Variants in CARHSP1 observed in about 807,000 individuals in gnomAD.
CARHSP1 encodes calcium regulated heat stable protein 1, also known as calcium-regulated heat-stable protein 1.
A neutral mutation model predicts 12.5 loss-of-function variants in CARHSP1; 14 were observed. The observed-to-expected ratio is 1.12, with a 90% confidence interval of 0.74 to 1.75. The LOEUF (loss-of-function observed/expected upper bound fraction) is 1.75, where lower values mean the gene tolerates loss of function less well. Ranked by LOEUF, CARHSP1 falls within the 40% of genes most tolerant of loss-of-function variation. The pLI is 0.00. For synonymous variants in CARHSP1, 161 were observed against 82.0 expected (o/e 1.96, Z -5.20); for missense variants, 343 against 201.6 (o/e 1.70, Z -4.25).
chr16:8,867,020 C>A (rs2061466374), intron 1 of CARHSP1, among the ~76,000 whole-genome samples: 1 of 152,138 alleles, frequency 6.6e-6, no homozygotes, highest in Non-Finnish European at 1.5e-5. Flanking sequence ...CCTGTGCCCC[C>A]ATTAGCACCC....
rs8097 is a variant in CARHSP1, at chr16:8,859,224, C to A, written c.105G>T (p.Arg35=). The part of the protein sequence containing the change: ...RSRERSPSPL[R]GNVVPSPLPT... Reference sequence around the variant, plus strand: ...GCAGTGGGCTTGGGACCACGTTGCCCCGCAGAGGGGATGGTGAGCGCTCAC... The same window carrying A: ...GCAGTGGGCTTGGGACCACGTTGCCACGCAGAGGGGATGGTGAGCGCTCAC... Residue 35 remains arginine (R), a synonymous_variant, in exon 2 of 4, where the codon CGG becomes CGT. Coordinates refer to ENST00000311052, the MANE Select transcript of CARHSP1 (RefSeq NM_014316.4). 6.6e-5 allele frequency: 105 copies of A among 1,598,450 alleles called. No individual in the cohort carries two copies. Among genetic ancestry groups the A allele is most frequent in the South Asian group, 1.0e-4 (9 of 89,110 alleles).
Position 8,854,980 on chromosome 16 carries a change from G to A in CARHSP1, c.*184C>T. The A allele has an allele frequency of 2.0e-6, 1 of 488,346 alleles. No individual in the cohort carries two copies. Among genetic ancestry groups the A allele is most frequent in the Admixed American group, 3.7e-5 (1 of 27,176 alleles). The allele number at this position is 488,346 out of a possible 1,614,324, so 30.3% of individuals were successfully genotyped here. A position where few individuals can be genotyped will look rare whatever the true frequency, so the allele number is the denominator to read the frequency against. ...TGTTGCAATGGTCATAGGCTGTGCTGATGGCCGGGAACACCCCACACCCCA... is the reference window on the plus strand; with the variant it reads ...TGTTGCAATGGTCATAGGCTGTGCTAATGGCCGGGAACACCCCACACCCCA... On this transcript the variant is annotated 3_prime_UTR_variant, in exon 4 of 4. Transcript: ENST00000311052.
At chr16:8,866,325 A>G (rs2061454178) in intron 1 of CARHSP1, 7 of 559,196 alleles carry the variant, frequency 1.3e-5, no homozygotes, top group Non-Finnish European at 1.6e-5. Context: ...GCCGGGCTAC[A>G]CTGGCCCATC....
rs1270069288 is a variant in CARHSP1, at chr16:8,854,408, G to C, written c.*756C>G. Reference sequence around the variant, plus strand: ...TAATTACAGGGGCTGTGAAATGGCTGTTGAGTGATGGTCACACAACCAGAA... The same window carrying C: ...TAATTACAGGGGCTGTGAAATGGCTCTTGAGTGATGGTCACACAACCAGAA... On this transcript the variant is annotated 3_prime_UTR_variant, in exon 4 of 4. Transcript: ENST00000311052. The C allele has an allele frequency of 1.3e-5, 2 of 152,340 alleles. No individual in the cohort carries two copies. Among genetic ancestry groups the C allele is most frequent in the Non-Finnish European group, 2.9e-5 (2 of 68,082 alleles). The allele number at this position is 152,340 out of a possible 1,614,324, so 9.4% of individuals were successfully genotyped here.
At chr16:8,858,243 T>G in intron 3 of CARHSP1, 107 bp downstream of exon 3, 3 of 1,322,270 alleles carry the variant, frequency 2.3e-6, no homozygotes, top group East Asian at 2.4e-5. Context: ...GGCCCAGCCA[T>G]TCGTCCTCAC....
chr16:8,858,314 CCCCAGCCAGGCCA>C (rs1273391385), intron 3 of CARHSP1, 23 bp downstream of exon 3: 1 of 1,606,904 alleles, frequency 6.2e-7, no homozygotes, highest in Non-Finnish European at 8.5e-7. Context: ...GAAGCGCCCA[CCCCAGCCAGGCCA>C]CCCAGACCTG....
intron 1 of CARHSP1, chr16:8,860,253 A>T: frequency 1.0e-6 from 1 of 983,348 alleles, no homozygotes; most frequent in Non-Finnish European, 1.2e-6. Context: ...AGAATTTCCA[A>T]GGCTGCATCC....
chr16:8,858,138 A>G lies in CARHSP1; in HGVS notation c.281+212T>C, dbSNP rs183934704. The G allele has an allele frequency of 1.4e-3, 830 of 596,712 alleles. 7 individuals carry two copies. The African/African-American group carries it at 0.014, about 10-fold the overall frequency. The allele number at this position is 596,712 out of a possible 1,614,324, so 37.0% of individuals were successfully genotyped here. A position where few individuals can be genotyped will look rare whatever the true frequency, so the allele number is the denominator to read the frequency against. ...CAAGTACCGTGTCGCCCCCAGCCTC[A>G]CATCCCCCAACACAGCTCCGTAGAG... is the stretch of plus-strand genomic sequence containing the variant. On this transcript the variant is annotated intron_variant, in intron 3 of 3. Transcript: ENST00000311052.
chr16:8,858,590 G>T, intron 2 of CARHSP1, 118 bp from the exon 3 acceptor site: 2 of 1,271,424 alleles, frequency 1.6e-6, no homozygotes, highest in African/African-American at 1.5e-5. Context: ...GCCATGTACA[G>T]TCACACAGGC....
At chr16:8,855,793 C>G (rs1297601567) in intron 3 of CARHSP1, among the ~76,000 whole-genome samples, 2 of 152,198 alleles carry the variant, frequency 1.3e-5, no homozygotes, top group African/African-American at 2.4e-5. Flanking sequence ...AGAAACCGCA[C>G]CGTGTCTTTG....
Position 8,858,377 on chromosome 16 carries a change from C to A in CARHSP1, c.254G>T (p.Gly85Val). The change falls in exon 3 of 4, where the codon GGC (glycine) becomes GTC (valine). Residue 85 changes from glycine to valine, a missense_variant. Transcript: ENST00000311052. ...AGAGATGTGCAGGAAGATGTCGGGG[C>A]CGCCATCAGCTGGAGTAATGAAGCC... The part of the protein sequence containing the change: ...GHGFITPADG[G>V]PDIFLHISDV... The A allele has an allele frequency of 6.2e-7, 1 of 1,613,998 alleles. No homozygotes were observed. The highest frequency in any genetic ancestry group is 1.1e-5 in the South Asian group (1 of 91,072).
At chr16:8,856,294 C>G (rs551324146) in intron 3 of CARHSP1, among the ~76,000 whole-genome samples, 3 of 152,212 alleles carry the variant, frequency 2.0e-5, no homozygotes, top group African/African-American at 7.2e-5. Context: ...CCTTCAGATG[C>G]TAAATGCAAG....
In CARHSP1 at chr16:8,855,242, C is replaced by T; in HGVS notation, c.366G>A (p.Gln122=). 6.2e-7 allele frequency: 1 copy of T among 1,613,462 alleles called. No homozygotes were observed. The highest frequency in any genetic ancestry group is 8.5e-7 in the Non-Finnish European group (1 of 1,179,594). Residue 122 remains glutamine (Q), a synonymous_variant, in exon 4 of 4, where the codon CAG becomes CAA. Transcript: ENST00000311052. ...CSIPPKNEKL[Q]AVEVVITHLA... Reference sequence around the variant, plus strand: ...GGTGAGTGATGACGACCTCCACGGCCTGCAGCTTCTCATTCTTGGGTGGGA... The same window carrying T: ...GGTGAGTGATGACGACCTCCACGGCTTGCAGCTTCTCATTCTTGGGTGGGA...
In CARHSP1 at chr16:8,858,455, T is replaced by A; in HGVS notation, c.176A>T (p.Gln59Leu). 1 of 1,613,852 alleles carries A rather than the reference T, an allele frequency of 6.2e-7. No homozygotes were observed. The highest frequency in any genetic ancestry group is 8.5e-7 in the Non-Finnish European group (1 of 1,179,996). Residue 59 changes from glutamine (Q) to leucine (L), a missense_variant, in exon 3 of 4, where the codon CAG (glutamine) becomes CTG (leucine). Coordinates refer to ENST00000311052, the MANE Select transcript of CARHSP1 (RefSeq NM_014316.4). ...RTFSATVRAS[Q>L]GPVYKGVCKC... ...GCAGACTCCTTTGTAGACGGGGCCC[T>A]GTGAAGCCCGCACCGTCCTGACAGA...
chr16:8,859,792 A>C (rs113299139), intron 1 of CARHSP1: 11,466 of 153,466 alleles, frequency 0.075, 487 homozygotes, highest in South Asian at 0.15. Flanking sequence ...AGCCTGGCCA[A>C]CATGGGGAAA....
intron 3 of CARHSP1, 167 bp downstream of exon 3, chr16:8,858,183 C>A (rs2061211394): frequency 2.6e-6 from 2 of 765,322 alleles, no homozygotes; most frequent in South Asian, 1.8e-5. Context: ...CCCAACCCAA[C>A]ACACACACAG....
chr16:8,857,287 TTTTTTTTTTTTTG>T, intron 3 of CARHSP1, among the ~76,000 whole-genome samples: 1 of 123,986 alleles, frequency 8.1e-6, no homozygotes, highest in African/African-American at 3.3e-5. Context: ...TTTTTTTTTT[TTTTTTTTTTTTTG>T]AGATGGAGTT....
chr16:8,859,486 G>A (rs1278983745), intron 1 of CARHSP1, among the ~76,000 whole-genome samples, 151 bp from the exon 2 acceptor site: 3 of 151,634 alleles, frequency 2.0e-5, no homozygotes, highest in African/African-American at 7.3e-5. Context: ...AGCACGCCTG[G>A]CAGGGTCAGA....
intron 3 of CARHSP1, 60 bp from the exon 4 acceptor site, chr16:8,855,386 G>T: frequency 2.2e-6 from 3 of 1,380,758 alleles, no homozygotes; most frequent in Non-Finnish European, 2.9e-6. Flanking sequence ...CCTTCCCCAA[G>T]ACACCAGCCA....
Sources: gnomAD v4.1 joint callset for allele counts (sites outside exome capture counted in the v4.1 genomes callset) on GRCh38, gnomAD v4.1.1 for gene constraint, MANE v1.5 for transcripts, NCBI Gene and HGNC (gene_info 2026-07-23, HGNC 2026-07-21) for gene names.